CEP63: variants seen among roughly 807,000 people sequenced by gnomAD.
The protein encoded by CEP63 is centrosomal protein of 63 kDa.
In CEP63, 84 loss-of-function variants were observed where a neutral mutation model predicts 89.1. The ratio of observed to expected loss-of-function variants is 0.94; its 90% CI spans 0.79 to 1.13. The LOEUF is 1.13. Among genes scored for constraint, CEP63 ranks in the 50% most tolerant of loss-of-function variants. The pLI is 0.00. For missense variants in CEP63, 838 were observed against 813.3 expected (o/e 1.03, Z -0.37); for synonymous variants, 267 against 272.5 (o/e 0.98, Z 0.20).
At chr3:134,673,355 C>T in the CEP63 span, among the ~76,000 whole-genome samples, 14,827 of 152,124 alleles carry the variant, frequency 0.097, 2,371 homozygotes, top group African/African-American at 0.34. Flanking sequence ...TTCCTGGAGA[C>T]CTCCAGTCCT....
intron 3 of CEP63, among the ~76,000 whole-genome samples, 190 bp from the exon 4 acceptor site, chr3:134,531,655 A>G (rs1018902877): frequency 3.9e-5 from 6 of 152,160 alleles, no homozygotes; most frequent in Non-Finnish European, 8.8e-5. Context: ...TTTGTTCACT[A>G]TTTTTTGGCA....
At chr3:134,647,582 G>C in the CEP63 span, 4 of 757,036 alleles carry the variant, frequency 5.3e-6, no homozygotes, top group African/African-American at 3.6e-5. Context: ...GGTTATGGTA[G>C]AGCAGGTGGA....
chr3:134,697,596 A>G, the CEP63 span, among the ~76,000 whole-genome samples: 1 of 152,136 alleles, frequency 6.6e-6, no homozygotes, highest in Non-Finnish European at 1.5e-5. Context: ...CCCAGCACTC[A>G]TGCTCTTTGC....
chr3:134,659,492 C>T, the CEP63 span, among the ~76,000 whole-genome samples: 1 of 152,176 alleles, frequency 6.6e-6, no homozygotes, highest in African/African-American at 2.4e-5. Flanking sequence ...ATTGAGAAAT[C>T]GGTGCACACA....
chr3:134,778,579 G>A, the CEP63 span, among the ~76,000 whole-genome samples: 1 of 151,664 alleles, frequency 6.6e-6, no homozygotes, highest in African/African-American at 2.4e-5. Flanking sequence ...GTTTTTTTGA[G>A]ACAGAGTCTC....
At chr3:134,760,182 C>T in the CEP63 span, among the ~76,000 whole-genome samples, 5 of 151,840 alleles carry the variant, frequency 3.3e-5, no homozygotes, top group Non-Finnish European at 5.9e-5. Context: ...CCTCAGCCTC[C>T]CGCGTAGCTG....
chr3:134,747,204 G>T, the CEP63 span, among the ~76,000 whole-genome samples: 1 of 152,124 alleles, frequency 6.6e-6, no homozygotes, highest in African/African-American at 2.4e-5. Context: ...TCTTGTTTTT[G>T]TCAGGTTTGT....
At chr3:134,576,102 T>C (rs1958207310), downstream of CEP63, among the ~76,000 whole-genome samples, 1 of 152,178 alleles carries the variant, frequency 6.6e-6, no homozygotes, top group Non-Finnish European at 1.5e-5. Flanking sequence ...TGTTTATGCT[T>C]TTCACGGGAA....
At chr3:134,655,764 C>T in the CEP63 span, among the ~76,000 whole-genome samples, 2 of 152,204 alleles carry the variant, frequency 1.3e-5, no homozygotes, top group Non-Finnish European at 2.9e-5. Flanking sequence ...ACGATGAACA[C>T]ACCTTGACTC....
intron 8 of CEP63, among the ~76,000 whole-genome samples, chr3:134,546,974 C>CTA (rs1468652486): frequency 6.6e-6 from 1 of 152,200 alleles, no homozygotes; most frequent in Non-Finnish European, 1.5e-5. Context: ...AGCCATTGGG[C>CTA]TAGCCCTCTT....
At chr3:134,775,193 G>A in the CEP63 span, among the ~76,000 whole-genome samples, 1 of 152,166 alleles carries the variant, frequency 6.6e-6, no homozygotes, top group Non-Finnish European at 1.5e-5. Flanking sequence ...TATAAGCAGA[G>A]CCTGAGACAA....
At chr3:134,588,031 C>T (rs768824688), downstream of CEP63, among the ~76,000 whole-genome samples, 1 of 152,142 alleles carries the variant, frequency 6.6e-6, no homozygotes, top group Admixed American at 6.5e-5. Flanking sequence ...ATGGTGATGA[C>T]GTCTGTAATT....
chr3:134,633,409 A>G, the CEP63 span, among the ~76,000 whole-genome samples: 95 of 152,212 alleles, frequency 6.2e-4, no homozygotes, highest in African/African-American at 2.2e-3. Context: ...TACTACAACC[A>G]TGGGTGGTTT....
the CEP63 span, among the ~76,000 whole-genome samples, chr3:134,739,612 A>G: frequency 6.6e-6 from 1 of 152,220 alleles, no homozygotes; most frequent in Non-Finnish European, 1.5e-5. Flanking sequence ...TCTCGTAAAC[A>G]TAATGTTGCG....
the CEP63 span, among the ~76,000 whole-genome samples, chr3:134,725,622 G>A: frequency 6.6e-6 from 1 of 152,204 alleles, no homozygotes; most frequent in Non-Finnish European, 1.5e-5. Flanking sequence ...CTGCCATTGT[G>A]CACCCTCTCT....
the CEP63 span, among the ~76,000 whole-genome samples, chr3:134,624,153 C>T: frequency 1.3e-5 from 2 of 152,084 alleles, no homozygotes; most frequent in South Asian, 4.2e-4. Context: ...GGAGTCAATC[C>T]AGCTATCTGG....
At chr3:134,543,536 A>C (rs1001104623) in intron 6 of CEP63, among the ~76,000 whole-genome samples, 1 of 152,250 alleles carries the variant, frequency 6.6e-6, no homozygotes, top group Non-Finnish European at 1.5e-5. Flanking sequence ...CTCACTGGTT[A>C]AAGTATGCCT....
At chr3:134,527,124 A>G (rs1167802620) in intron 3 of CEP63, among the ~76,000 whole-genome samples, 2 of 152,092 alleles carry the variant, frequency 1.3e-5, no homozygotes, top group African/African-American at 2.4e-5. Context: ...GCAGTGGGGG[A>G]CACACTTGTC....
the CEP63 span, among the ~76,000 whole-genome samples, chr3:134,623,352 G>A: frequency 3.9e-5 from 6 of 152,254 alleles, no homozygotes; most frequent in African/African-American, 1.4e-4. Flanking sequence ...TCATTCACAG[G>A]TAATGGCCTG....
Sources: gnomAD v4.1 joint callset for allele counts (sites outside exome capture counted in the v4.1 genomes callset) on GRCh38, gnomAD v4.1.1 for gene constraint, MANE v1.5 for transcripts, NCBI Gene and HGNC (gene_info 2026-07-23, HGNC 2026-07-21) for gene names.